The following TMPRSS2 variants were observed in gnomAD, a reference collection of about 807,000 sequenced individuals.
TMPRSS2 encodes transmembrane serine protease 2.
A neutral mutation model predicts 67.4 loss-of-function variants in TMPRSS2; 59 were observed. The ratio of observed to expected loss-of-function variants is 0.88; its 90% CI spans 0.71 to 1.09. The LOEUF is 1.09. Ranked by LOEUF, TMPRSS2 falls within the 50% of genes least tolerant of loss-of-function variation. The pLI is 0.00. For missense variants in TMPRSS2, 668 were observed against 642.7 expected, an observed-to-expected ratio of 1.04 and a Z score of -0.43; for synonymous variants, 257 against 257.0, an observed-to-expected ratio of 1.00 and a Z score of 0.00.
At chr21:41,470,312 G>A (rs935356339) in intron 11 of TMPRSS2, among the ~76,000 whole-genome samples, 2 of 152,158 alleles carry the variant, frequency 1.3e-5, no homozygotes, top group Admixed American at 6.5e-5. Flanking sequence ...ACTCAGCCAC[G>A]CAGGCCTTGG....
At chr21:41,467,696 A>G in intron 13 of TMPRSS2, 38 bp downstream of exon 13, 2 of 1,607,832 alleles carry the variant, frequency 1.2e-6, no homozygotes, top group South Asian at 1.1e-5. Flanking sequence ...GGCTCGAGGA[A>G]TCGGAGAACA....
At chr21:41,476,446 C>CTGGGCACA in intron 8 of TMPRSS2, 131 bp downstream of exon 8, 1 of 864,374 alleles carries the variant, frequency 1.2e-6, no homozygotes. Context: ...CGAGACGCCG[C>CTGGGCACA]TGGGCACATT....
intron 2 of TMPRSS2, among the ~76,000 whole-genome samples, chr21:41,495,016 C>T (rs1391766555): frequency 6.7e-6 from 1 of 150,288 alleles, no homozygotes; most frequent in East Asian, 1.9e-4. Flanking sequence ...TTGCAGTGAG[C>T]TGAGATCTCA....
In TMPRSS2 at chr21:41,470,667, C is replaced by T. The variant is rs1254317828; in HGVS notation, c.1152G>A (p.Trp384Ter). 6.2e-7 allele frequency: 1 copy of T among 1,613,564 alleles called. No individual in the cohort carries two copies. The highest frequency in any genetic ancestry group is 1.1e-5 in the South Asian group (1 of 91,078). The change falls in exon 11 of 14, where the codon TGG becomes TGA. Residue 384 changes from tryptophan (W) to a stop codon, truncating the protein, a stop_gained. Transcript: ENST00000332149. LOFTEE classifies it high-confidence loss of function. ...QPEQLCWISGWGATEEKGKTS... is the reference protein window; with the variant it reads ...QPEQLCWISG The stretch of plus-strand genomic sequence containing the variant: ...CCTCACCTTTCTCCTCGGTGGCCCC[C>T]CACCCGGAAATCCAGCAGAGCTGTT...
At chr21:41,472,144 C>A (rs1280233978) in intron 9 of TMPRSS2, among the ~76,000 whole-genome samples, 163 bp from the exon 10 acceptor site, 1 of 151,506 alleles carries the variant, frequency 6.6e-6, no homozygotes, top group Non-Finnish European at 1.5e-5. Flanking sequence ...TCCCCTTCTC[C>A]CCCACACTCC....
chr21:41,497,799 C>T (rs2091395026), intron 2 of TMPRSS2, among the ~76,000 whole-genome samples: 1 of 152,228 alleles, frequency 6.6e-6, no homozygotes, highest in South Asian at 2.1e-4. Context: ...GGAACATACC[C>T]CTGTTATCGC....
At chr21:41,493,581 C>T (rs1263335081) in intron 3 of TMPRSS2, among the ~76,000 whole-genome samples, 1 of 152,218 alleles carries the variant, frequency 6.6e-6, no homozygotes, top group East Asian at 1.9e-4. Flanking sequence ...AAAGCACTAT[C>T]AATTAAAAGA....
intron 6 of TMPRSS2, 64 bp from the exon 7 acceptor site, chr21:41,479,346 T>C (rs933008397): frequency 2.4e-6 from 3 of 1,231,678 alleles, no homozygotes; most frequent in African/African-American, 1.5e-5. Context: ...TCCTATACTA[T>C]GTCATAATAC....
intron 3 of TMPRSS2, among the ~76,000 whole-genome samples, chr21:41,491,180 C>T (rs1411768576): frequency 9.3e-6 from 1 of 107,050 alleles, no homozygotes; most frequent in African/African-American, 3.6e-5. Context: ...TTTTTTGAGA[C>T]AGGGTCTTGC....
chr21:41,466,603 C>A (rs1045432666), intron 13 of TMPRSS2, among the ~76,000 whole-genome samples: 9 of 152,234 alleles, frequency 5.9e-5, no homozygotes, highest in Admixed American at 1.3e-4. Context: ...CTGTTTCTAG[C>A]ACTGGGCCCT....
rs111620846 is a variant in TMPRSS2 at position 41,482,217 on chromosome 21, C to A, written c.446-1615G>T. Among the ~76,000 whole-genome samples the A allele has an allele frequency of 4.3e-3, 655 of 152,022 alleles. 5 individuals carry two copies. Among genetic ancestry groups the A allele is most frequent in the African/African-American group, 0.015 (622 of 41,444 alleles). The stretch of plus-strand genomic sequence containing the variant: ...ATTTAAAGAAACAAAACATTACAAA[C>A]ACCGTTGAAGTCGCTCCCTATTCCC... On this transcript the variant is annotated intron_variant, in intron 5 of 13. Transcript: ENST00000332149.
rs2146483314 is a variant in TMPRSS2, at chr21:41,494,411, G to A, written c.183C>T (p.Ser61=). The change falls in exon 3 of 14, where the codon TCC becomes TCT. Residue 61 remains serine (S), a synonymous_variant. Coordinates refer to ENST00000332149, the MANE Select transcript of TMPRSS2 (RefSeq NM_005656.4). ...TGGGCTGCGTGCAGACGACGGGGTTGGAAGCCTGCGTCAGGACCCTCGGGG... is the reference window on the plus strand; with the variant it reads ...TGGGCTGCGTGCAGACGACGGGGTTAGAAGCCTGCGTCAGGACCCTCGGGG... The part of the protein sequence containing the change: ...QYAPRVLTQA[S]NPVVCTQPKS... The A allele has an allele frequency of 6.2e-7, 1 of 1,611,510 alleles. No homozygotes were observed. The highest frequency in any genetic ancestry group is 8.5e-7 in the Non-Finnish European group (1 of 1,179,324).
intron 2 of TMPRSS2, among the ~76,000 whole-genome samples, chr21:41,497,136 A>G (rs415731): frequency 0.69 from 105,413 of 151,920 alleles, 36,770 homozygotes; most frequent in African/African-American, 0.76. Flanking sequence ...CACCACGCCC[A>G]GCCTGCCCCT....
Position 41,498,174 on chromosome 21 carries a change from G to A in TMPRSS2, c.-41C>T. On this transcript the variant is annotated 5_prime_UTR_variant, in exon 2 of 14. Coordinates refer to ENST00000332149, the MANE Select transcript of TMPRSS2 (RefSeq NM_005656.4). ...AGCATCGAGTAATGATAGGTATCTG[G>A]AATGTTCAATATGACCTAGAAGAAA... is the stretch of plus-strand genomic sequence containing the variant. 5 of 1,611,750 alleles carry A rather than the reference G, an allele frequency of 3.1e-6. No homozygotes were observed. The highest frequency in any genetic ancestry group is 2.2e-5 in the East Asian group (1 of 44,856).
intron 2 of TMPRSS2, 128 bp downstream of exon 2, chr21:41,497,991 C>T (rs1569026819): frequency 1.5e-6 from 1 of 686,376 alleles, no homozygotes; most frequent in African/African-American, 1.8e-5. Context: ...GTGCCTTGAA[C>T]AGCATCAGCG....
intron 7 of TMPRSS2, 37 bp downstream of exon 7, chr21:41,479,135 T>G: frequency 6.6e-7 from 1 of 1,525,968 alleles, no homozygotes; most frequent in Non-Finnish European, 9.1e-7. Context: ...CTAGTTGATT[T>G]CATTCCAAAA....
intron 3 of TMPRSS2, among the ~76,000 whole-genome samples, chr21:41,490,374 C>A (rs2091326944): frequency 6.6e-6 from 1 of 152,182 alleles, no homozygotes. Flanking sequence ...ATTCGGACAT[C>A]CACCAAAGCT....
Position 41,494,586 on chromosome 21 carries a change from G to A in TMPRSS2, c.16-8C>T, listed in dbSNP as rs902553505. ...AATAGCTGGTGGTGACCCCTAAACA[G>A]TTGAAAAGAAGATGAATAATATAAA... On this transcript the variant is annotated splice_region_variant and splice_polypyrimidine_tract_variant and intron_variant, in intron 2 of 13. Coordinates refer to ENST00000332149, the MANE Select transcript of TMPRSS2 (RefSeq NM_005656.4). 1.3e-5 allele frequency: 21 copies of A among 1,611,884 alleles called. No homozygotes were observed. The highest frequency in any genetic ancestry group is 4.0e-5 in the African/African-American group (3 of 74,780).
rs2091074259 is a variant in TMPRSS2 at position 41,465,131 on chromosome 21, A to C, written c.*1011T>G. ...GTCAAAGCAGCTGAAATAGGCCACC[A>C]CTCTTACTTGGCAAAGATGATACAG... On this transcript the variant is annotated 3_prime_UTR_variant, in exon 14 of 14. Coordinates refer to ENST00000332149, the MANE Select transcript of TMPRSS2 (RefSeq NM_005656.4). 8.6e-6 allele frequency: 2 copies of C among 233,534 alleles called. No individual in the cohort carries two copies. 14.5% of individuals were successfully genotyped at this position (233,534 alleles called of 1,614,324 possible).
Sources: allele counts gnomAD v4.1 joint callset (sites outside exome capture counted in the v4.1 genomes callset), GRCh38; gene constraint gnomAD v4.1.1; transcripts MANE v1.5; gene names NCBI Gene and HGNC (gene_info 2026-07-23, HGNC 2026-07-21).